Variants in RASGEF1C observed in about 807,000 individuals in gnomAD.
RASGEF1C encodes ras-GEF domain-containing family member 1C.
RASGEF1C carries 27 observed loss-of-function variants against 58.1 expected under a neutral mutation model. The ratio of observed to expected loss-of-function variants is 0.46; its 90% confidence interval spans 0.34 to 0.64. The LOEUF is 0.64. RASGEF1C is among the 30% of genes least tolerant of loss of function. RASGEF1C has a pLI of 0.01. For missense variants in RASGEF1C, 502 were observed against 605.1 expected (o/e 0.83, Z 1.79); for synonymous variants, 243 against 246.3 (o/e 0.99, Z 0.13).
intron 1 of RASGEF1C, among the ~76,000 whole-genome samples, chr5:180,181,660 C>T (rs1159144479): frequency 6.6e-6 from 1 of 152,206 alleles, no homozygotes; most frequent in Non-Finnish European, 1.5e-5. Flanking sequence ...GGGAAGGGTT[C>T]TATTGGGTTC....
Position 180,102,148 on chromosome 5 carries a change from A to T in RASGEF1C, c.1304-5T>A. 1 of 1,536,610 alleles carries T rather than the reference A, an allele frequency of 6.5e-7. No homozygotes were observed. Among genetic ancestry groups the T allele is most frequent in the Non-Finnish European group, 9.0e-7 (1 of 1,110,006 alleles). ...CGTAAGAAGCCAAATAAAGACCTAG[A>T]CAGAAAATGAAGTGAAATTTCACAA... is the stretch of plus-strand genomic sequence containing the variant. On this transcript the variant is annotated splice_polypyrimidine_tract_variant and splice_region_variant and intron_variant, in intron 12 of 13. Coordinates refer to ENST00000361132, the MANE Select transcript of RASGEF1C (RefSeq NM_175062.4).
intron 6 of RASGEF1C, among the ~76,000 whole-genome samples, chr5:180,124,615 G>A (rs1323830250): frequency 2.0e-5 from 3 of 150,848 alleles, no homozygotes; most frequent in Non-Finnish European, 3.0e-5. Flanking sequence ...ACTTGAGGTC[G>A]GGAGTTCGGG....
intron 1 of RASGEF1C, among the ~76,000 whole-genome samples, chr5:180,150,692 C>T (rs901735633): frequency 6.6e-6 from 1 of 152,058 alleles, no homozygotes; most frequent in East Asian, 1.9e-4. Context: ...TCCTATTCAA[C>T]ATAGTGTTAG....
chr5:180,138,420 A>G (rs866693583), intron 1 of RASGEF1C: 1 of 181,090 alleles, frequency 5.5e-6, no homozygotes, highest in Non-Finnish European at 1.1e-5. Flanking sequence ...TCTGGCCACA[A>G]AGATTGGTTC....
chr5:180,109,132 C>T (rs1765914095), intron 12 of RASGEF1C, among the ~76,000 whole-genome samples: 1 of 152,122 alleles, frequency 6.6e-6, no homozygotes, highest in African/African-American at 2.4e-5. Flanking sequence ...ATGAAGAGGT[C>T]ACTGGCTAAT....
At chr5:180,120,637 C>G (rs1455010386) in intron 7 of RASGEF1C, among the ~76,000 whole-genome samples, 2 of 152,198 alleles carry the variant, frequency 1.3e-5, no homozygotes, top group Non-Finnish European at 2.9e-5. Flanking sequence ...TTTCCAGGAG[C>G]AGCTAGAACC....
chr5:180,113,439 C>G (rs1164652220), intron 11 of RASGEF1C, among the ~76,000 whole-genome samples: 39 of 16,316 alleles, frequency 2.4e-3, no homozygotes, highest in East Asian at 3.2e-3. Flanking sequence ...TGGAGGGATC[C>G]GGGATGGACG....
At chr5:180,134,309 C>T (rs1370326470) in intron 4 of RASGEF1C, among the ~76,000 whole-genome samples, 2 of 152,032 alleles carry the variant, frequency 1.3e-5, no homozygotes, top group African/African-American at 2.4e-5. Flanking sequence ...GTCCACACTA[C>T]ACAGCCTGGT....
intron 1 of RASGEF1C, among the ~76,000 whole-genome samples, chr5:180,178,909 G>A (rs549434006): frequency 3.9e-5 from 6 of 152,190 alleles, no homozygotes; most frequent in Non-Finnish European, 5.9e-5. Context: ...GTTCTTGGGG[G>A]GGGAGGGGCG....
chr5:180,143,485 G>A lies in RASGEF1C; in HGVS notation c.-6-5427C>T, dbSNP rs954150253. Among the ~76,000 whole-genome samples, 10 of 152,190 alleles carry A rather than the reference G, an allele frequency of 6.6e-5. No individual in the cohort carries two copies. Among genetic ancestry groups the A allele is most frequent in the Non-Finnish European group, 1.2e-4 (8 of 68,036 alleles). The stretch of plus-strand genomic sequence containing the variant: ...CACCTGCCCCCAGCCAGTTGAAAAC[G>A]TGCCCAAGGGCCCTGCTGTTCCTCC... On this transcript the variant is annotated intron_variant, in intron 1 of 13. Coordinates refer to ENST00000361132, the MANE Select transcript of RASGEF1C (RefSeq NM_175062.4). This position sits in a 1 kb window ranked among gnomAD's most constrained non-coding sequence, Gnocchi z 4.3.
chr5:180,108,138 G>A (rs1177099607), intron 12 of RASGEF1C, among the ~76,000 whole-genome samples: 2 of 151,356 alleles, frequency 1.3e-5, no homozygotes, highest in Non-Finnish European at 2.9e-5. Context: ...GATGACATGA[G>A]TGTGGGATCT....
Position 180,135,026 on chromosome 5 carries a change from T to TCC in RASGEF1C, c.438+1350_438+1351dup, listed in dbSNP as rs1419026222. On this transcript the variant is annotated intron_variant, in intron 4 of 13. Coordinates refer to ENST00000361132, the MANE Select transcript of RASGEF1C (RefSeq NM_175062.4). ...TCCCAGCCGGCCAGCCAGCACCCCA[T>TCC]CCCGTTTCCGCTGTCCCCACCCCCC... Among the ~76,000 whole-genome samples, 167 of 131,800 alleles carry TCC rather than the reference T, an allele frequency of 1.3e-3. 1 individual carries two copies. Among genetic ancestry groups the TCC allele is most frequent in the African/African-American group, 4.6e-3 (164 of 35,508 alleles). 86.5% of individuals were successfully genotyped at this position (131,800 alleles called of 152,430 possible).
intron 1 of RASGEF1C, among the ~76,000 whole-genome samples, chr5:180,190,346 C>T (rs181116412): frequency 0.031 from 4,636 of 151,716 alleles, 216 homozygotes; most frequent in African/African-American, 0.1. Context: ...AAAAATTAGC[C>T]GGGCGTGGTG....
At chr5:180,190,858 T>C (rs1452551600) in intron 1 of RASGEF1C, among the ~76,000 whole-genome samples, 1 of 152,152 alleles carries the variant, frequency 6.6e-6, no homozygotes, top group Non-Finnish European at 1.5e-5. Context: ...CTTGTGCTCT[T>C]CAAAGGACAC....
At chr5:180,136,560 G>C in intron 3 of RASGEF1C, 45 bp from the exon 4 acceptor site, 2 of 1,537,784 alleles carry the variant, frequency 1.3e-6, no homozygotes, top group Non-Finnish European at 1.8e-6. Flanking sequence ...GGCGCCGGGT[G>C]GGCACGTGAG....
chr5:180,108,137 A>G (rs1255466873), intron 12 of RASGEF1C, among the ~76,000 whole-genome samples: 1 of 151,054 alleles, frequency 6.6e-6, no homozygotes, highest in Non-Finnish European at 1.5e-5. Flanking sequence ...TGATGACATG[A>G]GTGTGGGATC....
chr5:180,205,394 A>G (rs1013250163), intron 1 of RASGEF1C, among the ~76,000 whole-genome samples: 8 of 152,194 alleles, frequency 5.3e-5, no homozygotes, highest in Non-Finnish European at 1.2e-4. Context: ...TAGGAAAAAC[A>G]TATATGAGGA....
chr5:180,175,164 A>C (rs1431196223), intron 1 of RASGEF1C, among the ~76,000 whole-genome samples: 1 of 152,154 alleles, frequency 6.6e-6, no homozygotes, highest in Non-Finnish European at 1.5e-5. Context: ...AGTCCTGTGT[A>C]AGAGGTCACT....
rs148184399 is a variant in RASGEF1C at position 180,138,944 on chromosome 5, C to T, written c.-6-886G>A. On this transcript the variant is annotated intron_variant, in intron 1 of 13. Coordinates refer to ENST00000361132, the MANE Select transcript of RASGEF1C (RefSeq NM_175062.4). ...CCTTCCCTGCGTCCCACCAAGGCTGCACCTGACCTCTGGTGGGCATCAGCA... is the reference window on the plus strand; with the variant it reads ...CCTTCCCTGCGTCCCACCAAGGCTGTACCTGACCTCTGGTGGGCATCAGCA... Among the ~76,000 whole-genome samples, 13 of 152,312 alleles carry T rather than the reference C, an allele frequency of 8.5e-5. No homozygotes were observed. The East Asian group carries it at 2.3e-3, about 27-fold the overall frequency.
Sources: allele counts gnomAD v4.1 joint callset (sites outside exome capture counted in the v4.1 genomes callset), GRCh38; gene constraint gnomAD v4.1.1; non-coding constraint Gnocchi (gnomAD v3.1); transcripts MANE v1.5; gene names NCBI Gene and HGNC (gene_info 2026-07-23, HGNC 2026-07-21).